The following TNS1 variants were observed in gnomAD, a reference collection of about 807,000 sequenced individuals.
TNS1 encodes the protein tensin 1, also known as tensin-1.
In TNS1, 62 loss-of-function variants were observed where a neutral mutation model predicts 168.6. That is an observed-to-expected ratio of 0.37 (90% CI 0.30 to 0.45). TNS1 has a LOEUF of 0.45. Among genes scored for constraint, TNS1 ranks in the 20% least tolerant of loss-of-function variants. The probability of loss-of-function intolerance (pLI) is 1.00; values close to 1 mark genes in which losing one functional copy is unlikely to be tolerated. For synonymous variants in TNS1, 934 were observed against 933.2 expected (o/e 1.00, Z -0.02); for missense variants, 2,240 against 2,339.4 (o/e 0.96, Z 0.88).
intron 3 of TNS1, among the ~76,000 whole-genome samples, chr2:217,960,747 T>G (rs55915879): frequency 0.3 from 45,234 of 151,740 alleles, 8,359 homozygotes; most frequent in African/African-American, 0.53. Context: ...CCCCTTCCAG[T>G]CTCCCTACCA....
chr2:217,839,570 A>G (rs1363265819), intron 19 of TNS1, among the ~76,000 whole-genome samples: 1 of 152,096 alleles, frequency 6.6e-6, no homozygotes, highest in Admixed American at 6.5e-5. Context: ...ACGCACACAC[A>G]CTCACACGCA....
In TNS1 at chr2:217,808,649, G is replaced by T; in HGVS notation, c.5296C>A (p.Pro1766Thr). Reference sequence around the variant, plus strand: ...TCACAGAAGGTGACAGTGTTGAGAGGGTAGTGGCGTCTGAAAAAGAGCCTG... The same window carrying T: ...TCACAGAAGGTGACAGTGTTGAGAGTGTAGTGGCGTCTGAAAAAGAGCCTG... Reference protein sequence around the residue: ...QRKLFFRRHYPLNTVTFCDLD... With the variant: ...QRKLFFRRHYTLNTVTFCDLD... Residue 1766 changes from proline to threonine, a missense_variant, in exon 31 of 33, where the codon CCT becomes ACT. Pro to Thr is a conservative substitution (Grantham distance 38). Transcript: ENST00000682258. The T allele has an allele frequency of 6.2e-7, 1 of 1,614,096 alleles. No individual in the cohort carries two copies. The highest frequency in any genetic ancestry group is 8.5e-7 in the Non-Finnish European group (1 of 1,179,970).
At chr2:217,994,881 G>A (rs1020040784) in intron 1 of TNS1, among the ~76,000 whole-genome samples, 6 of 152,244 alleles carry the variant, frequency 3.9e-5, no homozygotes, top group African/African-American at 7.2e-5. Context: ...CTGGCTGAGC[G>A]AGCACTGAGG....
In TNS1 at chr2:218,032,527, G is replaced by A. The variant is rs1958906368; in HGVS notation, c.156+1293C>T. On this transcript the variant is annotated intron_variant, in intron 1 of 1. Coordinates refer to the TNS1 transcript ENST00000649572. The surrounding 1 kb of genome is among the most constrained non-coding windows in gnomAD (Gnocchi z 4.0). ...GGCCTGGGGCAGGAATGGGGGGTGTGTCTGCAGCAGGACTGGCAGTGGGTG... is the reference window on the plus strand; with the variant it reads ...GGCCTGGGGCAGGAATGGGGGGTGTATCTGCAGCAGGACTGGCAGTGGGTG... Among the ~76,000 whole-genome samples the A allele has an allele frequency of 6.6e-6, 1 of 152,196 alleles. No homozygotes were observed. The highest frequency in any genetic ancestry group is 1.5e-5 in the Non-Finnish European group (1 of 68,012).
intron 19 of TNS1, among the ~76,000 whole-genome samples, chr2:217,838,516 A>C: frequency 6.6e-6 from 1 of 152,146 alleles, no homozygotes; most frequent in East Asian, 1.9e-4. Context: ...GGAGGGAATG[A>C]CCTCCAAAGA....
At chr2:217,865,279 G>A (rs551077837) in intron 18 of TNS1, among the ~76,000 whole-genome samples, 1 of 152,314 alleles carries the variant, frequency 6.6e-6, no homozygotes, top group South Asian at 2.1e-4. Flanking sequence ...AGCCCATCTA[G>A]GGCTAGGCTG....
chr2:217,927,359 G>C lies in TNS1; in HGVS notation c.187-7123C>G, dbSNP rs568908894. On this transcript the variant is annotated intron_variant, in intron 3 of 32. Coordinates refer to ENST00000682258, the MANE Select transcript of TNS1 (RefSeq NM_001387777.1). ...GGAAGGGATGAAGGGAAGAAGGATG[G>C]CACAACGGTCTTTCTAGGCTTGACC... Among the ~76,000 whole-genome samples the C allele has an allele frequency of 1.1e-3, 172 of 152,298 alleles. 2 individuals are homozygous for C. The highest frequency in any genetic ancestry group is 7.3e-4 in the Non-Finnish European group (50 of 68,038).
Position 217,929,278 on chromosome 2 carries a change from G to A in TNS1, c.187-9042C>T, listed in dbSNP as rs185437166. Among the ~76,000 whole-genome samples the A allele has an allele frequency of 2.0e-3, 302 of 152,282 alleles. 5 individuals carry two copies. In the South Asian group the frequency reaches 0.029, roughly 14 times the overall value. On this transcript the variant is annotated intron_variant, in intron 3 of 32. Transcript: ENST00000682258. ...CCCAAGCGGGGATCTCAAGGGTCCCGGCTCAGGGGCCACACTCACCCACAC... is the reference window on the plus strand; with the variant it reads ...CCCAAGCGGGGATCTCAAGGGTCCCAGCTCAGGGGCCACACTCACCCACAC...
chr2:217,849,496 A>G (rs1468316123), intron 18 of TNS1, among the ~76,000 whole-genome samples: 1 of 152,264 alleles, frequency 6.6e-6, no homozygotes, highest in African/African-American at 2.4e-5. Flanking sequence ...TTCATTAAAT[A>G]CACTGTGCTT....
chr2:217,996,488 T>C (rs922517529), intron 1 of TNS1, among the ~76,000 whole-genome samples: 1 of 152,012 alleles, frequency 6.6e-6, no homozygotes, highest in South Asian at 2.1e-4. Context: ...ACTTCACCTT[T>C]ACACACACAA....
intron 3 of TNS1, among the ~76,000 whole-genome samples, chr2:217,960,177 A>G (rs1957462790): frequency 6.6e-6 from 1 of 152,180 alleles, no homozygotes; most frequent in Admixed American, 6.5e-5. Context: ...TCATTGACCC[A>G]TCCAGGAACA....
At chr2:218,004,178 G>GAC (rs368491525), upstream of TNS1, among the ~76,000 whole-genome samples, 26 of 152,034 alleles carry the variant, frequency 1.7e-4, no homozygotes, top group Middle Eastern at 3.4e-3. Context: ...CCCTCCTGTG[G>GAC]ACACACACAC....
At chr2:217,936,889 A>G (rs144584537) in intron 3 of TNS1, 1 of 453,454 alleles carries the variant, frequency 2.2e-6, no homozygotes, top group Non-Finnish European at 4.5e-6. Flanking sequence ...TGGAAATATG[A>G]ATCCTATTTT....
chr2:217,978,662 C>T, intron 3 of TNS1, 103 bp downstream of exon 3: 1 of 645,794 alleles, frequency 1.5e-6, no homozygotes, highest in Non-Finnish European at 2.8e-6. Flanking sequence ...GGAGGGACGC[C>T]CCGGGCACCG....
intron 6 of TNS1, among the ~76,000 whole-genome samples, chr2:217,905,027 C>A (rs930273356): frequency 6.6e-6 from 1 of 152,216 alleles, no homozygotes. Context: ...AAAGTGGATT[C>A]ATAGCCTCTG....
chr2:217,919,978 C>T (rs1290291392), intron 4 of TNS1, among the ~76,000 whole-genome samples: 5 of 152,208 alleles, frequency 3.3e-5, no homozygotes. Context: ...ACGCAAGTCT[C>T]AAGGTTGGAA....
chr2:217,841,284 C>A lies in TNS1; in HGVS notation c.3008-5073G>T, dbSNP rs928515123. ...CGATGCCCTGCAGCCTGGCGTTGTACGCTGCCCACCCCCCACCCCAGGGGA... is the reference window on the plus strand; with the variant it reads ...CGATGCCCTGCAGCCTGGCGTTGTAAGCTGCCCACCCCCCACCCCAGGGGA... On this transcript the variant is annotated intron_variant, in intron 19 of 32. Transcript: ENST00000682258. The A allele has an allele frequency of 2.0e-6, 2 of 984,784 alleles. 1 individual carries two copies. Among genetic ancestry groups the A allele is most frequent in the Non-Finnish European group, 2.4e-6 (2 of 829,760 alleles). The allele number at this position is 984,784 out of a possible 1,614,324, so 61.0% of individuals were successfully genotyped here.
intron 3 of TNS1, among the ~76,000 whole-genome samples, chr2:217,926,771 A>T (rs1956050231): frequency 6.6e-6 from 1 of 152,228 alleles, no homozygotes; most frequent in Non-Finnish European, 1.5e-5. Flanking sequence ...ATTAGCATCC[A>T]CATCCTCCAG....
chr2:217,809,301 GTGC>G (rs1940039644), intron 30 of TNS1, among the ~76,000 whole-genome samples: 6 of 78,402 alleles, frequency 7.7e-5, no homozygotes, highest in Admixed American at 2.7e-4. Flanking sequence ...GGATGGATAG[GTGC>G]ATGGATGGAT....
Sources: allele counts gnomAD v4.1 joint callset (sites outside exome capture counted in the v4.1 genomes callset), GRCh38; gene constraint gnomAD v4.1.1; non-coding constraint Gnocchi (gnomAD v3.1); transcripts MANE v1.5; gene names NCBI Gene and HGNC (gene_info 2026-07-23, HGNC 2026-07-21).